The following ITGBL1 variants were observed in gnomAD, a reference collection of about 807,000 sequenced individuals.
ITGBL1 encodes the protein integrin subunit beta like 1.
ITGBL1 carries 51 observed loss-of-function variants against 68.5 expected under a neutral mutation model. The observed-to-expected ratio is 0.74, with a 90% CI of 0.59 to 0.94. The LOEUF is 0.94. Among genes scored for constraint, ITGBL1 ranks in the 40% least tolerant of loss-of-function variants. ITGBL1 has a pLI of 0.00. For synonymous variants in ITGBL1, 209 were observed against 227.3 expected, an observed-to-expected ratio of 0.92 and a Z score of 0.72; for missense variants, 649 against 647.4, an observed-to-expected ratio of 1.00 and a Z score of -0.03.
intron 2 of ITGBL1, among the ~76,000 whole-genome samples, chr13:101,535,165 T>C (rs1173996713): frequency 6.6e-6 from 1 of 152,110 alleles, no homozygotes; most frequent in Non-Finnish European, 1.5e-5. Context: ...TCAATATATC[T>C]ACGTGGTGAT....
At chr13:101,518,746 G>A (rs1003935507) in intron 2 of ITGBL1, among the ~76,000 whole-genome samples, 8 of 152,152 alleles carry the variant, frequency 5.3e-5, no homozygotes, top group Non-Finnish European at 8.8e-5. Flanking sequence ...TTTTATCAAT[G>A]TAACAATAAT....
At chr13:101,551,674 G>C (rs1049845273) in intron 2 of ITGBL1, among the ~76,000 whole-genome samples, 7 of 152,130 alleles carry the variant, frequency 4.6e-5, no homozygotes, top group African/African-American at 1.7e-4. Flanking sequence ...GGATGATTAT[G>C]TTTTCTGTTT....
intron 7 of ITGBL1, among the ~76,000 whole-genome samples, chr13:101,676,442 G>T (rs540746668): frequency 2.6e-5 from 4 of 152,140 alleles, no homozygotes; most frequent in African/African-American, 7.2e-5. Flanking sequence ...CCTTCTTGAA[G>T]GTTGCTGTGT....
At chr13:101,626,778 TC>T (rs1379676277) in intron 7 of ITGBL1, among the ~76,000 whole-genome samples, 1 of 152,312 alleles carries the variant, frequency 6.6e-6, no homozygotes, top group East Asian at 1.9e-4. Flanking sequence ...TAGGAGTACA[TC>T]TTTTTTTATA....
At chr13:101,633,829 T>C (rs1242686516) in intron 7 of ITGBL1, among the ~76,000 whole-genome samples, 1 of 152,186 alleles carries the variant, frequency 6.6e-6, no homozygotes, top group African/African-American at 2.4e-5. Context: ...GGTATTGGGA[T>C]AGGCTGATTA....
chr13:101,593,482 C>A (rs1364042665), intron 6 of ITGBL1, among the ~76,000 whole-genome samples: 1 of 151,878 alleles, frequency 6.6e-6, no homozygotes, highest in Non-Finnish European at 1.5e-5. Context: ...CCCTTTATTG[C>A]AGCACTATTT....
intron 2 of ITGBL1, among the ~76,000 whole-genome samples, chr13:101,490,183 C>T (rs917070090): frequency 6.6e-6 from 1 of 151,952 alleles, no homozygotes; most frequent in Non-Finnish European, 1.5e-5. Context: ...GGATCAGTAC[C>T]TTTATAAGAG....
At chr13:101,679,195 C>T (rs113413995) in intron 7 of ITGBL1, among the ~76,000 whole-genome samples, 4,667 of 152,184 alleles carry the variant, frequency 0.031, 94 homozygotes, top group Non-Finnish European at 0.047. Flanking sequence ...CGTGAGCCAC[C>T]GCGCCTGGCC....
intron 7 of ITGBL1, among the ~76,000 whole-genome samples, chr13:101,611,644 A>G (rs185892057): frequency 6.6e-4 from 100 of 151,986 alleles, no homozygotes; most frequent in Non-Finnish European, 8.4e-4. Flanking sequence ...GTCTGGGTTC[A>G]GTCACTAGCC....
chr13:101,604,933 C>T lies in ITGBL1; in HGVS notation c.1015+6634C>T, dbSNP rs560480946. 8.4e-4 allele frequency among the ~76,000 whole-genome samples: 75 copies of T among 88,888 alleles called. 6 individuals are homozygous for T. Among genetic ancestry groups the T allele is most frequent in the Non-Finnish European group, 1.2e-3 (50 of 42,830 alleles). The allele number at this position is 88,888 out of a possible 152,430, so 58.3% of individuals were successfully genotyped here. On this transcript the variant is annotated intron_variant, in intron 7 of 10. Coordinates refer to ENST00000376180, the MANE Select transcript of ITGBL1 (RefSeq NM_004791.3). Reference sequence around the variant, plus strand: ...ATGTGCATATATGTGTGTATATATACGCATGTATATATGTGTACATGTGTA... The same window carrying T: ...ATGTGCATATATGTGTGTATATATATGCATGTATATATGTGTACATGTGTA...
At chr13:101,511,355 A>G (rs2049112791) in intron 2 of ITGBL1, among the ~76,000 whole-genome samples, 1 of 152,106 alleles carries the variant, frequency 6.6e-6, no homozygotes, top group Non-Finnish European at 1.5e-5. Flanking sequence ...ACCTTCTATG[A>G]GTCATGACCT....
intron 2 of ITGBL1, among the ~76,000 whole-genome samples, chr13:101,536,900 G>T (rs1008914148): frequency 6.6e-6 from 1 of 151,804 alleles, no homozygotes; most frequent in Non-Finnish European, 1.5e-5. Flanking sequence ...GGCATTTAAA[G>T]GTTTAATTTA....
intron 7 of ITGBL1, among the ~76,000 whole-genome samples, chr13:101,679,989 C>T (rs765806798): frequency 3.3e-5 from 5 of 152,096 alleles, no homozygotes; most frequent in Non-Finnish European, 7.4e-5. Flanking sequence ...GAAGAATCGA[C>T]ATTTATCTGT....
intron 7 of ITGBL1, among the ~76,000 whole-genome samples, chr13:101,622,915 A>ATATGTGTGTGTG: frequency 6.7e-6 from 1 of 148,514 alleles, no homozygotes; most frequent in South Asian, 2.1e-4. Context: ...TGGGGTATGT[A>ATATGTGTGTGTG]TGTGTGTGTG....
rs372767307 is a variant in ITGBL1, at chr13:101,546,899, G to A, written c.317-20800G>A. Among the ~76,000 whole-genome samples, 23 of 152,032 alleles carry A rather than the reference G, an allele frequency of 1.5e-4. No individual in the cohort carries two copies. The East Asian group carries it at 2.3e-3, about 15-fold the overall frequency. On this transcript the variant is annotated intron_variant, in intron 2 of 10. Transcript: ENST00000376180. Reference sequence around the variant, plus strand: ...GAAGATGCTACCAAGTGAAGTCAAAGTAGCATAGCAATGTGAAGGAAAAAC... The same window carrying A: ...GAAGATGCTACCAAGTGAAGTCAAAATAGCATAGCAATGTGAAGGAAAAAC...
chr13:101,515,356 T>C (rs2049179064), intron 2 of ITGBL1, among the ~76,000 whole-genome samples: 1 of 152,016 alleles, frequency 6.6e-6, no homozygotes, highest in African/African-American at 2.4e-5. Flanking sequence ...GCCCAGCATT[T>C]TGATGGTACA....
At chr13:101,701,891 T>A (rs1205053643) in intron 8 of ITGBL1, among the ~76,000 whole-genome samples, 3 of 152,150 alleles carry the variant, frequency 2.0e-5, no homozygotes, top group Non-Finnish European at 4.4e-5. Flanking sequence ...TTTGGGAAGA[T>A]GAAAATATTC....
At chr13:101,587,552 C>T (rs918477805) in intron 6 of ITGBL1, among the ~76,000 whole-genome samples, 4 of 152,184 alleles carry the variant, frequency 2.6e-5, no homozygotes, top group East Asian at 1.9e-4. Flanking sequence ...CTAATGGCCG[C>T]TTACCACTCA....
intron 2 of ITGBL1, among the ~76,000 whole-genome samples, chr13:101,538,760 G>A (rs1206468724): frequency 6.6e-6 from 1 of 152,004 alleles, no homozygotes; most frequent in Non-Finnish European, 1.5e-5. Context: ...GGCATGTAAG[G>A]GAAAATTACA....
Sources: gnomAD v4.1 joint callset for allele counts (sites outside exome capture counted in the v4.1 genomes callset) on GRCh38, gnomAD v4.1.1 for gene constraint, MANE v1.5 for transcripts, NCBI Gene and HGNC (gene_info 2026-07-23, HGNC 2026-07-21) for gene names.